The following NIBAN1 variants were observed in gnomAD, a reference collection of about 807,000 sequenced individuals.
NIBAN1 encodes the protein niban apoptosis regulator 1.
NIBAN1 carries 81 observed loss-of-function variants against 75.1 expected under a neutral mutation model. That is an observed-to-expected ratio of 1.08 (90% CI 0.90 to 1.30). The LOEUF (loss-of-function observed/expected upper bound fraction) is 1.30. Ranked by LOEUF, NIBAN1 falls within the 50% of genes most tolerant of loss-of-function variation. The pLI, the probability that NIBAN1 is intolerant of heterozygous loss-of-function variation, is 0.00. For missense variants in NIBAN1, 1,133 were observed against 1,128.1 expected, an observed-to-expected ratio of 1.00 and a Z score of -0.06; for synonymous variants, 436 against 424.8, an observed-to-expected ratio of 1.03 and a Z score of -0.32.
chr1:184,854,736 T>C (rs1173517288), intron 5 of NIBAN1, among the ~76,000 whole-genome samples: 1 of 152,200 alleles, frequency 6.6e-6, no homozygotes, highest in Admixed American at 6.5e-5. Flanking sequence ...CTGCCTCTAC[T>C]TTCCACCAAA....
intron 5 of NIBAN1, among the ~76,000 whole-genome samples, chr1:184,841,646 C>A (rs1250738888): frequency 6.6e-6 from 1 of 152,140 alleles, no homozygotes; most frequent in Non-Finnish European, 1.5e-5. Flanking sequence ...GATTCAGATA[C>A]TAGAACCAGG....
At position 184,941,652 on chromosome 1, in the gene NIBAN1, C is replaced by CAA. The variant is rs1190148311; in HGVS notation, c.55+32648_55+32649dup. 3.6e-3 allele frequency among the ~76,000 whole-genome samples: 260 copies of CAA among 72,182 alleles called. 2 individuals are homozygous for CAA. The highest frequency in any genetic ancestry group is 8.8e-3 in the African/African-American group (197 of 22,494). The allele number at this position is 72,182 out of a possible 152,430, so 47.4% of individuals were successfully genotyped here. ...GCTTTAACAAAGCAAGACCCTGTCT[C>CAA]AAAAAAAAAAAAAAAAAAACCTGGG... On this transcript the variant is annotated intron_variant, in intron 1 of 13. Coordinates refer to ENST00000367511, the MANE Select transcript of NIBAN1 (RefSeq NM_052966.4).
At chr1:184,966,405 GC>G (rs1220274272) in intron 1 of NIBAN1, among the ~76,000 whole-genome samples, 13 of 152,176 alleles carry the variant, frequency 8.5e-5, no homozygotes, top group Non-Finnish European at 1.9e-4. Flanking sequence ...GCTAAGTCCA[GC>G]CACCAGCTGA....
At chr1:184,969,212 A>C (rs796504378) in intron 1 of NIBAN1, among the ~76,000 whole-genome samples, 97 of 152,334 alleles carry the variant, frequency 6.4e-4, no homozygotes, top group African/African-American at 2.3e-3. Context: ...ATAACTAGCA[A>C]TCTTCACTAT....
At position 184,900,409 on chromosome 1, in the gene NIBAN1, G is replaced by A. The variant is rs539867966; in HGVS notation, c.56-1100C>T. ...CAGAATCCTAACTATAAAGGAAGGT[G>A]CTCACTAGTCTACACATTTCTTTGG... On this transcript the variant is annotated intron_variant, in intron 1 of 13. Transcript: ENST00000367511. Among the ~76,000 whole-genome samples the A allele has an allele frequency of 1.2e-4, 19 of 152,226 alleles. No homozygotes were observed. The South Asian group carries it at 3.7e-3, about 30-fold the overall frequency.
intron 1 of NIBAN1, among the ~76,000 whole-genome samples, chr1:184,921,623 A>G (rs234683): frequency 0.21 from 32,422 of 152,160 alleles, 7,460 homozygotes; most frequent in African/African-American, 0.58. Context: ...CTTAGAAAGC[A>G]CACAATATTT....
At chr1:184,897,223 G>A (rs1007069113) in intron 2 of NIBAN1, among the ~76,000 whole-genome samples, 7 of 151,070 alleles carry the variant, frequency 4.6e-5, no homozygotes, top group African/African-American at 7.3e-5. Flanking sequence ...TCTTTCATCC[G>A]TGTTTTGTAG....
At chr1:184,961,053 C>G (rs891581071) in intron 1 of NIBAN1, among the ~76,000 whole-genome samples, 58 of 129,142 alleles carry the variant, frequency 4.5e-4, no homozygotes, top group Middle Eastern at 8.2e-3. Flanking sequence ...TTCTATATGC[C>G]GTTCTTTTTT....
At chr1:184,871,368 A>AG (rs1553222991) in intron 5 of NIBAN1, among the ~76,000 whole-genome samples, 2,500 of 121,746 alleles carry the variant, frequency 0.021, 172 homozygotes, top group African/African-American at 0.066. Flanking sequence ...AAAAAAAAAA[A>AG]AAAAAGAGGA....
At chr1:184,971,051 C>T (rs1213509825) in intron 1 of NIBAN1, among the ~76,000 whole-genome samples, 1 of 151,672 alleles carries the variant, frequency 6.6e-6, no homozygotes, top group East Asian at 1.9e-4. Context: ...TTTGGGAGGC[C>T]AAGGCGGGAA....
At chr1:184,913,184 G>GTA (rs147198133) in intron 1 of NIBAN1, among the ~76,000 whole-genome samples, 102 of 95,300 alleles carry the variant, frequency 1.1e-3, no homozygotes, top group South Asian at 4.8e-3. Context: ...TACCATGCAG[G>GTA]TATATATATA....
At chr1:184,823,963 T>C (rs754998024) in intron 6 of NIBAN1, among the ~76,000 whole-genome samples, 5 of 152,260 alleles carry the variant, frequency 3.3e-5, no homozygotes, top group South Asian at 2.1e-4. Flanking sequence ...TAACATCTGC[T>C]GATATTCTCA....
rs750144448 is a variant in NIBAN1, at chr1:184,831,944, G to A, written c.620C>T (p.Thr207Ile). The A allele has an allele frequency of 3.1e-6, 5 of 1,613,574 alleles. No individual in the cohort carries two copies. The South Asian group carries it at 5.5e-5, about 18-fold the overall frequency. ...HLNHDYMKQM[T>I]FEAQAFLEAV... is the part of the protein sequence containing the mutation. ...TTCTAAAAAGGCTTGGGCTTCAAATGTCATCTGCTTCATGTAATCTAAAGA... is the reference window on the plus strand; with the variant it reads ...TTCTAAAAAGGCTTGGGCTTCAAATATCATCTGCTTCATGTAATCTAAAGA... Residue 207 changes from threonine to isoleucine, a missense_variant, in exon 6 of 14, where the codon ACA becomes ATA. Transcript: ENST00000367511.
intron 1 of NIBAN1, among the ~76,000 whole-genome samples, chr1:184,942,161 T>A (rs1033648202): frequency 2.0e-5 from 3 of 152,250 alleles, no homozygotes; most frequent in Non-Finnish European, 2.9e-5. Context: ...GAAGAATAAT[T>A]TCTCAGGGAG....
chr1:184,834,555 G>T (rs1359979205), intron 5 of NIBAN1, among the ~76,000 whole-genome samples: 1 of 152,154 alleles, frequency 6.6e-6, no homozygotes, highest in East Asian at 1.9e-4. Flanking sequence ...CATTCTAACT[G>T]GTATGAGGTG....
At chr1:184,877,827 G>A (rs1174853658) in intron 5 of NIBAN1, among the ~76,000 whole-genome samples, 1 of 152,062 alleles carries the variant, frequency 6.6e-6, no homozygotes, top group African/African-American at 2.4e-5. Context: ...AGCTATTCAG[G>A]CTTTGCCACA....
At chr1:184,958,364 TCACACACACACACACA>T (rs3035788) in intron 1 of NIBAN1, among the ~76,000 whole-genome samples, 1 of 142,600 alleles carries the variant, frequency 7.0e-6, no homozygotes, top group South Asian at 2.3e-4. Context: ...GACAGAGGAG[TCACACACACACACACA>T]CACACACACA....
intron 3 of NIBAN1, among the ~76,000 whole-genome samples, chr1:184,893,512 A>G (rs1249736666): frequency 6.6e-6 from 1 of 152,166 alleles, no homozygotes; most frequent in Non-Finnish European, 1.5e-5. Flanking sequence ...AAAAAGTTAA[A>G]TGAAAAAAAA....
chr1:184,967,716 A>G (rs192719420), intron 1 of NIBAN1, among the ~76,000 whole-genome samples: 154 of 152,336 alleles, frequency 1.0e-3, no homozygotes, highest in African/African-American at 3.7e-3. Flanking sequence ...GCCCTCTTAC[A>G]GCCAACGTCC....
Sources: allele counts gnomAD v4.1 joint callset (sites outside exome capture counted in the v4.1 genomes callset), GRCh38; gene constraint gnomAD v4.1.1; transcripts MANE v1.5; gene names NCBI Gene and HGNC (gene_info 2026-07-23, HGNC 2026-07-21).